DDAH1: variants seen among roughly 807,000 people sequenced by gnomAD.
The protein encoded by DDAH1 is N(G),N(G)-dimethylarginine dimethylaminohydrolase 1.
Under a neutral mutation model 28.8 loss-of-function variants are expected in DDAH1, and 19 were observed. That is an observed-to-expected ratio of 0.66 (90% CI 0.46 to 0.97). The LOEUF (loss-of-function observed/expected upper bound fraction) is 0.97. Ranked by LOEUF, DDAH1 falls within the 50% of genes least tolerant of loss-of-function variation. The pLI, the probability that DDAH1 is intolerant of heterozygous loss-of-function variation, is 0.00. For synonymous variants in DDAH1, 153 were observed against 154.4 expected, an observed-to-expected ratio of 0.99 and a Z score of 0.07; for missense variants, 326 against 375.9, an observed-to-expected ratio of 0.87 and a Z score of 1.10.
intron 1 of DDAH1, among the ~76,000 whole-genome samples, chr1:85,500,097 C>T (rs1241375): frequency 5.4e-5 from 8 of 148,074 alleles, no homozygotes; most frequent in South Asian, 4.3e-4. Context: ...TTCCTTCCCT[C>T]CTTCCTCTTT....
At chr1:85,507,532 A>AAAT (rs1192247999) in intron 1 of DDAH1, among the ~76,000 whole-genome samples, 1 of 152,070 alleles carries the variant, frequency 6.6e-6, no homozygotes, top group Non-Finnish European at 1.5e-5. Flanking sequence ...ATAAATAAAC[A>AAAT]AACAAACAGC....
intron 2 of DDAH1, among the ~76,000 whole-genome samples, chr1:85,477,289 G>A (rs902664833): frequency 3.3e-5 from 5 of 152,278 alleles, no homozygotes; most frequent in Admixed American, 3.3e-4. Flanking sequence ...GCTCCTGGCT[G>A]AGAGCCCTGA....
intron 1 of DDAH1, among the ~76,000 whole-genome samples, chr1:85,430,043 C>T (rs1473940649): frequency 6.6e-6 from 1 of 151,754 alleles, no homozygotes; most frequent in East Asian, 1.9e-4. Flanking sequence ...AAATTTGTCA[C>T]ATTTAAGTCT....
chr1:85,553,785 G>T (rs1411059921), intron 1 of DDAH1, among the ~76,000 whole-genome samples: 1 of 152,192 alleles, frequency 6.6e-6, no homozygotes, highest in East Asian at 1.9e-4. Flanking sequence ...GCCACTAAGG[G>T]GTCACAGGTG....
chr1:85,482,286 A>C, intron 2 of DDAH1: 1 of 152,166 alleles, frequency 6.6e-6, no homozygotes, highest in East Asian at 1.9e-4. Context: ...AGTGATATGT[A>C]TTTTTCAAAT....
At chr1:85,373,965 TG>T (rs139423184) in intron 1 of DDAH1, among the ~76,000 whole-genome samples, 26,583 of 152,076 alleles carry the variant, frequency 0.17, 2,821 homozygotes, top group Middle Eastern at 0.26. Context: ...AAGAGATACT[TG>T]GGACCCCAAA....
intron 1 of DDAH1, among the ~76,000 whole-genome samples, chr1:85,555,153 A>G (rs1057184515): frequency 2.0e-5 from 3 of 152,246 alleles, no homozygotes; most frequent in Non-Finnish European, 4.4e-5. Context: ...AGTGCCTTGC[A>G]CACTGGAGTG....
At chr1:85,443,594 T>C (rs976970797) in intron 1 of DDAH1, among the ~76,000 whole-genome samples, 5 of 152,218 alleles carry the variant, frequency 3.3e-5, no homozygotes, top group Admixed American at 1.3e-4. Flanking sequence ...GGGGATGGCA[T>C]TGAATCTATA....
At chr1:85,450,303 C>T (rs915289982) in intron 1 of DDAH1, among the ~76,000 whole-genome samples, 1 of 152,174 alleles carries the variant, frequency 6.6e-6, no homozygotes, top group Non-Finnish European at 1.5e-5. Flanking sequence ...AGTAGTGTCA[C>T]CCTTTCTTAC....
Position 85,464,693 on chromosome 1 carries a change from G to C in DDAH1, c.303+50C>G, listed in dbSNP as rs1655272667. On this transcript the variant is annotated intron_variant, in intron 1 of 5. Transcript: ENST00000284031. The surrounding 1 kb of genome is among the most constrained non-coding windows in gnomAD (Gnocchi z 4.4). ...CCAGGCAACACGGCGGCCGGCGGCG[G>C]GGGAGGGCCTGGCGCGCGCCCCGGC... 2 of 1,432,906 alleles carry C rather than the reference G, an allele frequency of 1.4e-6. No homozygotes were observed. Among genetic ancestry groups the C allele is most frequent in the Admixed American group, 5.7e-5 (2 of 35,110 alleles). 88.8% of individuals were successfully genotyped at this position (1,432,906 alleles called of 1,614,324 possible).
chr1:85,479,553 A>G lies in DDAH1; in HGVS notation c.-7+16613T>C, dbSNP rs115639612. ...CAAATCAGGCACTAATATTACCACA[A>G]TCGGGGTTTTCACCACTAATTGCTT... On this transcript the variant is annotated intron_variant, in intron 2 of 6. Coordinates refer to the DDAH1 transcript ENST00000426972. Among the ~76,000 whole-genome samples, 646 of 152,314 alleles carry G rather than the reference A, an allele frequency of 4.2e-3. 6 individuals are homozygous for G. Among genetic ancestry groups the G allele is most frequent in the African/African-American group, 0.015 (627 of 41,568 alleles).
At chr1:85,393,011 C>T (rs1162166098) in intron 1 of DDAH1, among the ~76,000 whole-genome samples, 2 of 152,244 alleles carry the variant, frequency 1.3e-5, no homozygotes, top group Non-Finnish European at 1.5e-5. Context: ...AAGCATCTGA[C>T]ATACATGGCT....
chr1:85,454,195 T>C (rs1654785676), intron 1 of DDAH1, among the ~76,000 whole-genome samples: 1 of 152,200 alleles, frequency 6.6e-6, no homozygotes, highest in Non-Finnish European at 1.5e-5. Context: ...TAACATAACC[T>C]TCCCTTAACC....
chr1:85,537,293 C>G (rs113823342), intron 1 of DDAH1, among the ~76,000 whole-genome samples: 1,988 of 151,464 alleles, frequency 0.013, 44 homozygotes, highest in African/African-American at 0.045. Context: ...GAGATTGCAC[C>G]ACTGCACTCC....
intron 1 of DDAH1, among the ~76,000 whole-genome samples, chr1:85,428,479 A>G (rs1020424311): frequency 1.3e-5 from 2 of 152,098 alleles, no homozygotes; most frequent in Non-Finnish European, 2.9e-5. Context: ...CCATGATTCA[A>G]TTACCTCCCA....
rs1655316340 is a variant in DDAH1 at position 85,465,130 on chromosome 1, C to A, written c.-85G>T. The A allele has an allele frequency of 6.8e-6, 8 of 1,171,054 alleles. No homozygotes were observed. The South Asian group carries it at 2.1e-4, about 31-fold the overall frequency. The allele number at this position is 1,171,054 out of a possible 1,614,324, so 72.5% of individuals were successfully genotyped here. ...AGCGCGCGCTGAGCCTGCGAGCGCC[C>A]GTCGGCTCCTCTTGGCAGCCGCTGA... On this transcript the variant is annotated 5_prime_UTR_variant, in exon 1 of 6. Coordinates refer to ENST00000284031, the MANE Select transcript of DDAH1 (RefSeq NM_012137.4).
rs189969095 is a variant in DDAH1 at position 85,462,722 on chromosome 1, T to A, written c.303+2021A>T. Reference sequence around the variant, plus strand: ...GACTCTGCCCTCCAGAAGCATCCCATCCAACACTGACTGCCCATATTCCTC... The same window carrying A: ...GACTCTGCCCTCCAGAAGCATCCCAACCAACACTGACTGCCCATATTCCTC... On this transcript the variant is annotated intron_variant, in intron 1 of 5. Coordinates refer to ENST00000284031, the MANE Select transcript of DDAH1 (RefSeq NM_012137.4). Among the ~76,000 whole-genome samples the A allele has an allele frequency of 3.8e-4, 58 of 152,250 alleles. No homozygotes were observed. In the East Asian group the frequency reaches 8.7e-3, roughly 23 times the overall value.
chr1:85,500,203 TCTTC>T (rs1166912024), intron 1 of DDAH1, among the ~76,000 whole-genome samples: 2 of 150,424 alleles, frequency 1.3e-5, no homozygotes, highest in African/African-American at 2.4e-5. Flanking sequence ...TTCCTTCCTT[TCTTC>T]CTTCCTTCCT....
At chr1:85,391,599 G>T (rs1273264068) in intron 1 of DDAH1, among the ~76,000 whole-genome samples, 1 of 152,196 alleles carries the variant, frequency 6.6e-6, no homozygotes, top group Non-Finnish European at 1.5e-5. Context: ...CAAAATGGGT[G>T]AAAGATGCAG....
Sources: allele counts gnomAD v4.1 joint callset (sites outside exome capture counted in the v4.1 genomes callset), GRCh38; gene constraint gnomAD v4.1.1; non-coding constraint Gnocchi (gnomAD v3.1); transcripts MANE v1.5; gene names NCBI Gene and HGNC (gene_info 2026-07-23, HGNC 2026-07-21).